MTUS2: variants seen among roughly 807,000 people sequenced by gnomAD.
MTUS2 encodes the protein microtubule-associated tumor suppressor candidate 2.
Under a neutral mutation model 114.1 loss-of-function variants are expected in MTUS2, and 40 were observed. That is an observed-to-expected ratio of 0.35 (90% CI 0.27 to 0.46). The LOEUF is 0.46. Among genes scored for constraint, MTUS2 ranks in the 20% least tolerant of loss-of-function variants. MTUS2 has a pLI of 1.00. For synonymous variants in MTUS2, 688 were observed against 672.0 expected, an observed-to-expected ratio of 1.02 and a Z score of -0.37; for missense variants, 1,679 against 1,705.4, an observed-to-expected ratio of 0.98 and a Z score of 0.27.
chr13:29,012,569 G>A (rs1885892625), intron 2 of MTUS2, among the ~76,000 whole-genome samples: 1 of 152,162 alleles, frequency 6.6e-6, no homozygotes, highest in Admixed American at 6.5e-5. Flanking sequence ...CTTAGAAAGA[G>A]ATATGCTAAA....
intron 2 of MTUS2, among the ~76,000 whole-genome samples, chr13:28,846,771 A>G (rs1304159702): frequency 2.0e-5 from 3 of 152,240 alleles, no homozygotes; most frequent in African/African-American, 7.2e-5. Flanking sequence ...TCTCAAAGGC[A>G]AACATAACAA....
At chr13:29,027,545 T>G (rs934156014) in intron 3 of MTUS2, among the ~76,000 whole-genome samples, 1 of 152,166 alleles carries the variant, frequency 6.6e-6, no homozygotes, top group Non-Finnish European at 1.5e-5. Context: ...TTGTTTATGT[T>G]TTTTTTGGCT....
rs114578827 is a variant in MTUS2, at chr13:28,955,055, C to T, written c.-242-69402C>T. 1.8e-3 allele frequency among the ~76,000 whole-genome samples: 281 copies of T among 152,280 alleles called. 1 individual carries two copies. The highest frequency in any genetic ancestry group is 6.1e-3 in the African/African-American group (255 of 41,542). On this transcript the variant is annotated intron_variant, in intron 2 of 15. Coordinates refer to ENST00000612955, the MANE Select transcript of MTUS2 (RefSeq NM_001033602.4). ...TCTTACAGGTAAGAAAACTGAGTAACGAGACCAGTTTTCACTGGGTTATGT... is the reference window on the plus strand; with the variant it reads ...TCTTACAGGTAAGAAAACTGAGTAATGAGACCAGTTTTCACTGGGTTATGT...
intron 9 of MTUS2, among the ~76,000 whole-genome samples, chr13:29,445,096 G>A (rs1878181499): frequency 6.6e-6 from 1 of 152,186 alleles, no homozygotes; most frequent in Admixed American, 6.5e-5. Context: ...TTTGCATAGT[G>A]CCCTCTACCA....
intron 2 of MTUS2, among the ~76,000 whole-genome samples, chr13:29,015,961 A>G (rs773193243): frequency 1.3e-5 from 2 of 151,836 alleles, no homozygotes; most frequent in African/African-American, 2.4e-5. Context: ...CTGGAGTGCA[A>G]TGGTGCCATC....
intron 5 of MTUS2, among the ~76,000 whole-genome samples, chr13:29,142,486 C>T (rs562229843): frequency 6.6e-6 from 1 of 152,178 alleles, no homozygotes; most frequent in South Asian, 2.1e-4. Context: ...GGTGGATCAC[C>T]TGAGGTCAGG....
intron 5 of MTUS2, among the ~76,000 whole-genome samples, chr13:29,263,520 G>T (rs542062811): frequency 2.0e-5 from 3 of 152,248 alleles, no homozygotes; most frequent in African/African-American, 7.2e-5. Context: ...ATAAAGAAAG[G>T]GGGTTTAATT....
intron 8 of MTUS2, among the ~76,000 whole-genome samples, chr13:29,400,546 AAAG>A (rs1338426331): frequency 3.9e-5 from 6 of 152,230 alleles, no homozygotes; most frequent in East Asian, 3.8e-4. Context: ...ATATCTAATC[AAAG>A]AAGAAGACAG....
At chr13:29,419,298 C>G (rs1332369505) in intron 8 of MTUS2, among the ~76,000 whole-genome samples, 2 of 152,148 alleles carry the variant, frequency 1.3e-5, no homozygotes, top group Non-Finnish European at 2.9e-5. Context: ...TAGTCTTGCA[C>G]AGCATCTGCC....
intron 5 of MTUS2, among the ~76,000 whole-genome samples, chr13:29,107,114 G>A (rs1890702026): frequency 6.6e-6 from 1 of 151,932 alleles, no homozygotes; most frequent in Non-Finnish European, 1.5e-5. Context: ...TCACTTTTAG[G>A]TACATTTCAA....
intron 2 of MTUS2, among the ~76,000 whole-genome samples, chr13:28,959,379 C>T (rs1306537534): frequency 6.6e-6 from 1 of 152,176 alleles, no homozygotes; most frequent in Non-Finnish European, 1.5e-5. Flanking sequence ...TTCATCACCC[C>T]ACTAGCAATG....
chr13:29,359,399 G>A lies in MTUS2; in HGVS notation c.3043G>A (p.Ala1015Thr). Residue 1015 changes from alanine (A) to threonine (T), a missense_variant, in exon 8 of 16, where the codon GCG becomes ACG. Around this residue, in one of 3 missense-constraint regions of MTUS2, gnomAD observed 822 missense variants for 899.7 expected, o/e 0.91. Transcript: ENST00000612955. ...CEQQTRQLGV[A>T]QGELKRAICG... is the part of the protein sequence containing the mutation. ...GCAGCAGACCAGACAGCTGGGCGTT[G>A]CGCAAGGGGAGCTGAAGAGGGCCAT... 6.2e-7 allele frequency: 1 copy of A among 1,613,712 alleles called. No homozygotes were observed. Among genetic ancestry groups the A allele is most frequent in the Non-Finnish European group, 8.5e-7 (1 of 1,179,792 alleles).
intron 5 of MTUS2, among the ~76,000 whole-genome samples, chr13:29,128,273 A>C (rs1218359588): frequency 6.6e-6 from 1 of 152,176 alleles, no homozygotes; most frequent in Non-Finnish European, 1.5e-5. Context: ...ACCAGAAAAT[A>C]ATGTTCAATG....
intron 8 of MTUS2, among the ~76,000 whole-genome samples, chr13:29,376,014 TA>T (rs1871701237): frequency 2.4e-5 from 2 of 82,414 alleles, no homozygotes; most frequent in Admixed American, 3.1e-4. Context: ...TGTGTGTGTG[TA>T]TGTATGTGTG....
At chr13:29,197,291 A>C (rs796421222) in intron 5 of MTUS2, among the ~76,000 whole-genome samples, 1 of 151,264 alleles carries the variant, frequency 6.6e-6, no homozygotes, top group African/African-American at 2.4e-5. Flanking sequence ...TCATTATTCA[A>C]CTCCCACTTA....
At chr13:29,404,307 G>C (rs1173118427) in intron 8 of MTUS2, among the ~76,000 whole-genome samples, 3 of 151,882 alleles carry the variant, frequency 2.0e-5, no homozygotes, top group African/African-American at 7.3e-5. Context: ...ATCTGTGATT[G>C]CGCCACCGCA....
chr13:29,182,439 A>G (rs1004330588), intron 5 of MTUS2, among the ~76,000 whole-genome samples: 1 of 152,254 alleles, frequency 6.6e-6, no homozygotes, highest in Non-Finnish European at 1.5e-5. Context: ...ACTGCGTTGC[A>G]TTACTCATCT....
intron 4 of MTUS2, among the ~76,000 whole-genome samples, chr13:29,035,381 G>A (rs1033643291): frequency 1.3e-5 from 2 of 152,180 alleles, no homozygotes; most frequent in Non-Finnish European, 2.9e-5. Flanking sequence ...GACAATGAGA[G>A]GTTCTTAATT....
chr13:29,439,695 A>G (rs1877686103), intron 8 of MTUS2, among the ~76,000 whole-genome samples: 1 of 152,210 alleles, frequency 6.6e-6, no homozygotes, highest in Admixed American at 6.5e-5. Context: ...TGGGACACAA[A>G]TTTGCAAAGA....
Sources: gnomAD v4.1 joint callset for allele counts (sites outside exome capture counted in the v4.1 genomes callset) on GRCh38, gnomAD v4.1.1 for gene constraint, gnomAD v4.1.1 regional missense constraint, MANE v1.5 for transcripts, NCBI Gene and HGNC (gene_info 2026-07-23, HGNC 2026-07-21) for gene names.